Variants in PPP1R3F observed in about 807,000 individuals in gnomAD.
PPP1R3F encodes the protein protein phosphatase 1 regulatory subunit 3F, also known as protein phosphatase 1, regulatory (inhibitor) subunit 3F.
Under a neutral mutation model 24.2 loss-of-function variants are expected in PPP1R3F, and 29 were observed. The observed-to-expected ratio is 1.20, with a 90% CI of 0.89 to 1.63. The LOEUF is 1.63. Ranked by LOEUF, PPP1R3F falls within the 40% of genes most tolerant of loss-of-function variation. The pLI is 0.00. For missense variants in PPP1R3F, 823 were observed against 729.3 expected, an observed-to-expected ratio of 1.13 and a Z score of -1.48; for synonymous variants, 363 against 340.1, an observed-to-expected ratio of 1.07 and a Z score of -0.74.
At chrX:49,288,646 C>T (rs1557122069), downstream of PPP1R3F, among the ~76,000 whole-genome samples, 1 of 112,273 alleles carries the variant, frequency 8.9e-6, no homozygotes, top group Non-Finnish European at 1.9e-5. Flanking sequence ...AGTGTAGACA[C>T]ACTCGTGTAG....
Position 49,280,549 on chromosome X carries a change from C to CT in PPP1R3F, c.1005-844dup, listed in dbSNP as rs782591947. Among the ~76,000 whole-genome samples, 52 of 79,568 alleles carry CT rather than the reference C, an allele frequency of 6.5e-4. 3 individuals carry two copies. The highest frequency in any genetic ancestry group is 7.9e-4 in the Non-Finnish European group (31 of 39,209). 69.1% of individuals were successfully genotyped at this position (79,568 alleles called of 115,157 possible). A position where few individuals can be genotyped will look rare whatever the true frequency, so the allele number is the denominator to read the frequency against. On this transcript the variant is annotated intron_variant, in intron 1 of 3. Coordinates refer to ENST00000055335, the MANE Select transcript of PPP1R3F (RefSeq NM_033215.5). Reference sequence around the variant, plus strand: ...CAGATGTGAGCCACCGCGTCTGGCCCTTTTTTTTTTTTTGAGACTGAGTTT... The same window carrying CT: ...CAGATGTGAGCCACCGCGTCTGGCCCTTTTTTTTTTTTTTGAGACTGAGTTT...
chrX:49,286,483 C>T lies in PPP1R3F; in HGVS notation c.1793C>T (p.Ser598Leu), dbSNP rs148829919. ...SSPEGDSPKE[S>L]PPEILSGARS... is the part of the protein sequence containing the mutation. ...CCAGAAGGGGACAGCCCCAAGGAAT[C>T]GCCTCCAGAAATCCTCTCCGGGGCC... Residue 598 changes from serine to leucine, a missense_variant, in exon 4 of 4, where the codon TCG becomes TTG. Transcript: ENST00000055335. The T allele has an allele frequency of 3.8e-5, 46 of 1,204,568 alleles. No individual in the cohort carries two copies. In the African/African-American group the frequency reaches 4.9e-4, roughly 13 times the overall value.
intron 3 of PPP1R3F, among the ~76,000 whole-genome samples, chrX:49,299,730 G>T (rs1173906435): frequency 8.9e-6 from 1 of 112,016 alleles, no homozygotes; most frequent in East Asian, 2.8e-4. Context: ...AATCTAGAGA[G>T]GCAGTCTGGC....
rs1352692609 is a variant in PPP1R3F, at chrX:49,270,777, A to C, written c.908A>C (p.Gln303Pro). Residue 303 changes from glutamine (Q) to proline (P), a missense_variant, in exon 1 of 4, where the codon CAG becomes CCG. By Grantham distance (76) the Gln-to-Pro change is moderately conservative (BLOSUM62 -1). Coordinates refer to ENST00000055335, the MANE Select transcript of PPP1R3F (RefSeq NM_033215.5). ...GATGCCGAAGGGCTGCCCCAGCAGC[A>C]GCAGCTGCCGCAGCTGGAGCCACAG... ...PTDAEGLPQQ[Q>P]QLPQLEPQPE... is the part of the protein sequence containing the mutation. The C allele has an allele frequency of 4.2e-6, 5 of 1,194,046 alleles. No homozygotes were observed. The East Asian group carries it at 9.2e-5, about 22-fold the overall frequency.
Position 49,286,439 on chromosome X carries a change from C to T in PPP1R3F, c.1749C>T (p.Leu583=). ...PDDEGEGEEG[L]SVTPSSPEGD... ...ATGAAGGGGAGGGTGAAGAGGGGCTCTCTGTCACACCCTCCAGCCCAGAAG... is the reference window on the plus strand; with the variant it reads ...ATGAAGGGGAGGGTGAAGAGGGGCTTTCTGTCACACCCTCCAGCCCAGAAG... Residue 583 remains leucine (L), a synonymous_variant, in exon 4 of 4, where the codon CTC becomes CTT. Coordinates refer to ENST00000055335, the MANE Select transcript of PPP1R3F (RefSeq NM_033215.5). The T allele has an allele frequency of 8.4e-7, 1 of 1,194,062 alleles. No individual in the cohort carries two copies. Among genetic ancestry groups the T allele is most frequent in the South Asian group, 1.8e-5 (1 of 54,560 alleles).
chrX:49,282,141 G>A, intron 3 of PPP1R3F, 78 bp downstream of exon 3: 1 of 780,494 alleles, frequency 1.3e-6, no homozygotes. Context: ...GCTGGGTGGT[G>A]GGGCCCACTA....
chrX:49,271,312 A>C (rs1211629953), intron 1 of PPP1R3F, among the ~76,000 whole-genome samples: 1 of 112,229 alleles, frequency 8.9e-6, no homozygotes, highest in African/African-American at 3.2e-5. Flanking sequence ...AGAGTTATGC[A>C]GATACGGTGG....
In PPP1R3F at chrX:49,285,892, G is replaced by A; in HGVS notation, c.1202G>A (p.Ser401Asn). The change falls in exon 4 of 4, where the codon AGT becomes AAT. Residue 401 changes from serine (S) to asparagine (N), a missense_variant. Physicochemically the swap from Ser to Asn is conservative, Grantham distance 46 (BLOSUM62 1). Coordinates refer to ENST00000055335, the MANE Select transcript of PPP1R3F (RefSeq NM_033215.5). ...PAEEGDVPRS[S>N]PPVAFTEVLQ... ...GAAGAAGGTGATGTCCCCAGAAGCA[G>A]TCCACCTGTGGCTTTTACAGAGGTC... The A allele has an allele frequency of 8.3e-7, 1 of 1,201,482 alleles. No individual in the cohort carries two copies. The highest frequency in any genetic ancestry group is 1.1e-6 in the Non-Finnish European group (1 of 889,613).
intron 1 of PPP1R3F, among the ~76,000 whole-genome samples, chrX:49,277,209 G>A (rs1209912396): frequency 2.7e-5 from 3 of 112,792 alleles, no homozygotes; most frequent in African/African-American, 6.4e-5. Context: ...GGCCTAGGCC[G>A]GGGCCAACAC....
intron 3 of PPP1R3F, among the ~76,000 whole-genome samples, chrX:49,293,807 G>A (rs2066315552): frequency 8.9e-6 from 1 of 111,909 alleles, no homozygotes. Context: ...AGCAGCCTGA[G>A]CAACATGGAG....
rs1557118600 is a variant in PPP1R3F at position 49,270,038 on chromosome X, TGGGGCGGGCCC to T, written c.179_189del (p.Pro60GlnfsTer27). On this transcript the variant is annotated frameshift_variant, in exon 1 of 4. Transcript: ENST00000055335. LOFTEE classifies it high-confidence loss of function. Reference sequence around the variant, plus strand: ...GGCGCAGTTGCGCCGCTACCGGCCGTGGGGCGGGCCCGGGGCGGGCAAGATGGCGGCGGCGG... The same window carrying T: ...GGCGCAGTTGCGCCGCTACCGGCCGTGGGGCGGGCAAGATGGCGGCGGCGG... The T allele has an allele frequency of 6.3e-6, 6 of 946,815 alleles. No homozygotes were observed. The highest frequency in any genetic ancestry group is 5.9e-5 in the Admixed American group (1 of 16,826). The allele number at this position is 946,815 out of a possible 1,213,427, so 78.0% of individuals were successfully genotyped here.
intron 3 of PPP1R3F, 53 bp from the exon 4 acceptor site, chrX:49,285,781 C>G (rs992011737): frequency 2.9e-5 from 31 of 1,087,398 alleles, no homozygotes; most frequent in Admixed American, 6.2e-5. Flanking sequence ...ATCCCCTCCT[C>G]TGCTTCATTC....
Position 49,285,925 on chromosome X carries a change from C to T in PPP1R3F, c.1235C>T (p.Ala412Val), listed in dbSNP as rs1569530940. The change falls in exon 4 of 4, where the codon GCA becomes GTA. Residue 412 changes from alanine (A) to valine (V), a missense_variant. Coordinates refer to ENST00000055335, the MANE Select transcript of PPP1R3F (RefSeq NM_033215.5). ...PPVAFTEVLQ[A>V]PAIRIPPSSP... The stretch of plus-strand genomic sequence containing the variant: ...GTGGCTTTTACAGAGGTCCTCCAGG[C>T]ACCGGCCATCAGGATTCCCCCCTCC... 8.3e-7 allele frequency: 1 copy of T among 1,208,593 alleles called. No individual in the cohort carries two copies. The highest frequency in any genetic ancestry group is 1.1e-6 in the Non-Finnish European group (1 of 893,526).
At chrX:49,301,206 G>T in intron 3 of PPP1R3F, 1 of 302,159 alleles carries the variant, frequency 3.3e-6, no homozygotes, top group Non-Finnish European at 6.1e-6. Flanking sequence ...GGTTTAATTG[G>T]ATGTAAGACA....
At chrX:49,275,981 C>T (rs1351924049) in intron 1 of PPP1R3F, among the ~76,000 whole-genome samples, 9 of 112,303 alleles carry the variant, frequency 8.0e-5, no homozygotes, top group African/African-American at 1.9e-4. Flanking sequence ...TGGAGTTGAA[C>T]GGGACAAGTC....
At position 49,287,139 on chromosome X, in the gene PPP1R3F, T is replaced by G; in HGVS notation, c.*49T>G. On this transcript the variant is annotated 3_prime_UTR_variant, in exon 4 of 4. Transcript: ENST00000055335. ...GGCTTAAGATGGGATACATGGCCTG[T>G]GCAGTGAGGGGACCTGGGTCCTTTG... 1 of 1,148,285 alleles carries G rather than the reference T, an allele frequency of 8.7e-7. No homozygotes were observed. The highest frequency in any genetic ancestry group is 1.2e-6 in the Non-Finnish European group (1 of 849,555). 94.6% of individuals were successfully genotyped at this position (1,148,285 alleles called of 1,213,427 possible). A position where few individuals can be genotyped will look rare whatever the true frequency, so the allele number is the denominator to read the frequency against.
At chrX:49,271,074 T>TC (rs1290827747) in intron 1 of PPP1R3F, among the ~76,000 whole-genome samples, 2 of 112,025 alleles carry the variant, frequency 1.8e-5, no homozygotes, top group Admixed American at 9.4e-5. Context: ...TTTATTGAGT[T>TC]CCACTGTAAA....
chrX:49,300,581 C>G, intron 3 of PPP1R3F, among the ~76,000 whole-genome samples: 1 of 105,445 alleles, frequency 9.5e-6, no homozygotes, highest in East Asian at 3.0e-4. Context: ...CCTCTGACTC[C>G]CAGGCTCAAG....
chrX:49,278,029 C>T (rs894973734), intron 1 of PPP1R3F, among the ~76,000 whole-genome samples: 3 of 112,040 alleles, frequency 2.7e-5, no homozygotes, highest in East Asian at 5.6e-4. Context: ...GCGTGACCTG[C>T]TTTTTGGATG....
Sources: allele counts gnomAD v4.1 joint callset (sites outside exome capture counted in the v4.1 genomes callset), GRCh38; gene constraint gnomAD v4.1.1; transcripts MANE v1.5; gene names NCBI Gene and HGNC (gene_info 2026-07-23, HGNC 2026-07-21).